Variants in ADGRF5 observed in about 807,000 individuals in gnomAD.
ADGRF5 encodes G-protein coupled receptor 116.
In ADGRF5, 75 loss-of-function variants were observed where a neutral mutation model predicts 132.3. The observed-to-expected ratio is 0.57, with a 90% CI of 0.47 to 0.69. The LOEUF is 0.69. ADGRF5 is among the 30% of genes least tolerant of loss of function. The pLI is 0.00. For synonymous variants in ADGRF5, 629 were observed against 597.6 expected (o/e 1.05, Z -0.77); for missense variants, 1,516 against 1,630.6 (o/e 0.93, Z 1.21).
Position 46,883,606 on chromosome 6 carries a change from T to C in ADGRF5, c.565A>G (p.Thr189Ala). Reference protein sequence around the residue: ...NVGFQEDLMNTSSALYRSYKT... With the variant: ...NVGFQEDLMNASSALYRSYKT... ...TAGGACCTATAGAGGGCGGAGGAAG[T>C]GTTCATGAGGTCTTCTTGAAAGCCT... is the stretch of plus-strand genomic sequence containing the variant. The change falls in exon 6 of 21, where the codon ACT (threonine) becomes GCT (alanine). Residue 189 changes from threonine to alanine, a missense_variant. Thr to Ala is a moderately conservative substitution (Grantham distance 58). Coordinates refer to ENST00000283296, the MANE Select transcript of ADGRF5 (RefSeq NM_001098518.2). 6.2e-7 allele frequency: 1 copy of C among 1,608,988 alleles called. No individual in the cohort carries two copies. The highest frequency in any genetic ancestry group is 8.5e-7 in the Non-Finnish European group (1 of 1,178,434).
At position 46,866,907 on chromosome 6, in the gene ADGRF5, C is replaced by T; in HGVS notation, c.1834+18G>A. 6.8e-7 allele frequency: 1 copy of T among 1,471,646 alleles called. No homozygotes were observed. 91.2% of individuals were successfully genotyped at this position (1,471,646 alleles called of 1,614,324 possible). Reference sequence around the variant, plus strand: ...TGTGAAATAATATACCCTAACAATTCAGCAATCAGCATCTTACCAGCAGGA... The same window carrying T: ...TGTGAAATAATATACCCTAACAATTTAGCAATCAGCATCTTACCAGCAGGA... On this transcript the variant is annotated intron_variant, in intron 13 of 20. Transcript: ENST00000283296.
In ADGRF5 at chr6:46,933,676, C is replaced by A. The variant is rs149555702; in HGVS notation, c.-25+21058G>T. Among the ~76,000 whole-genome samples, 21 of 152,304 alleles carry A rather than the reference C, an allele frequency of 1.4e-4. No homozygotes were observed. The East Asian group carries it at 4.1e-3, about 29-fold the overall frequency. On this transcript the variant is annotated intron_variant, in intron 1 of 20. Transcript: ENST00000265417. ...GCTACTGCAATTCAAAATGGTCTAG[C>A]ATTGTACAGATTGTCGTCGGGCCTC... is the stretch of plus-strand genomic sequence containing the variant.
At chr6:46,903,500 G>A (rs1173962178) in intron 2 of ADGRF5, 1 of 152,110 alleles carries the variant, frequency 6.6e-6, no homozygotes, top group Non-Finnish European at 1.5e-5. Context: ...AGTGGGGGTG[G>A]GTAGTCAGTC....
At position 46,932,607 on chromosome 6, in the gene ADGRF5, G is replaced by A. The variant is rs184196143; in HGVS notation, c.-25+22127C>T. The stretch of plus-strand genomic sequence containing the variant: ...CATAGTGAAAGTAATTTCTGAGGAA[G>A]AGCTAGAAATTCCCAGTACAAAACA... On this transcript the variant is annotated intron_variant, in intron 1 of 20. Transcript: ENST00000265417. Among the ~76,000 whole-genome samples, 457 of 152,288 alleles carry A rather than the reference G, an allele frequency of 3.0e-3. 1 individual carries two copies. Among genetic ancestry groups the A allele is most frequent in the Non-Finnish European group, 5.7e-3 (391 of 68,020 alleles).
At chr6:46,879,113 T>A (rs1772156570) in intron 9 of ADGRF5, among the ~76,000 whole-genome samples, 2 of 152,022 alleles carry the variant, frequency 1.3e-5, no homozygotes, top group East Asian at 3.9e-4. Context: ...TATATATCAA[T>A]TCCTTCCTCA....
intron 1 of ADGRF5, among the ~76,000 whole-genome samples, chr6:46,945,535 G>A (rs1778271845): frequency 6.6e-6 from 1 of 152,228 alleles, no homozygotes; most frequent in African/African-American, 2.4e-5. Flanking sequence ...TAGGAAAGAA[G>A]TGCATGTGAA....
chr6:46,876,693 T>G (rs1225971926), intron 10 of ADGRF5, among the ~76,000 whole-genome samples: 1 of 152,174 alleles, frequency 6.6e-6, no homozygotes, highest in African/African-American at 2.4e-5. Flanking sequence ...AACCTCGGCC[T>G]CTCGGGTTCA....
intron 1 of ADGRF5, among the ~76,000 whole-genome samples, chr6:46,936,119 C>T (rs1777811243): frequency 6.6e-6 from 1 of 152,192 alleles, no homozygotes. Flanking sequence ...TCGGGTCCTG[C>T]TCAATCTTCA....
At chr6:46,951,660 C>T (rs1008427125) in intron 1 of ADGRF5, among the ~76,000 whole-genome samples, 1 of 152,174 alleles carries the variant, frequency 6.6e-6, no homozygotes, top group Non-Finnish European at 1.5e-5. Context: ...GAGCTACTTC[C>T]TCCTCTTTTC....
chr6:46,857,923 T>C (rs1769245362), intron 17 of ADGRF5, among the ~76,000 whole-genome samples: 1 of 152,230 alleles, frequency 6.6e-6, no homozygotes, highest in African/African-American at 2.4e-5. Flanking sequence ...TAAATTATAA[T>C]GTAGGTGATA....
At chr6:46,868,763 A>G in intron 12 of ADGRF5, 120 bp downstream of exon 12, 1 of 660,644 alleles carries the variant, frequency 1.5e-6, no homozygotes, top group Non-Finnish European at 2.7e-6. Context: ...GTGAAGACAT[A>G]TTGAATTTAA....
intron 1 of ADGRF5, among the ~76,000 whole-genome samples, chr6:46,949,895 G>T (rs548528509): frequency 6.6e-6 from 1 of 152,106 alleles, no homozygotes; most frequent in African/African-American, 2.4e-5. Flanking sequence ...CATTGTTCTC[G>T]TTTCTTTTTT....
intron 1 of ADGRF5, among the ~76,000 whole-genome samples, chr6:46,931,451 C>A (rs751590777): frequency 6.6e-6 from 1 of 152,236 alleles, no homozygotes; most frequent in South Asian, 2.1e-4. Flanking sequence ...TTGCCATAAC[C>A]AATGGTCAAT....
intron 3 of ADGRF5, among the ~76,000 whole-genome samples, chr6:46,892,453 TAAA>T (rs754448036): frequency 6.6e-6 from 1 of 152,270 alleles, no homozygotes; most frequent in East Asian, 1.9e-4. Flanking sequence ...ATAAATGTCT[TAAA>T]AATTCACATT....
chr6:46,860,837 A>T lies in ADGRF5; in HGVS notation c.2257T>A (p.Ser753Thr). 6.2e-7 allele frequency: 1 copy of T among 1,613,954 alleles called. No homozygotes were observed. The highest frequency in any genetic ancestry group is 8.5e-7 in the Non-Finnish European group (1 of 1,179,832). ...TGTTCCGCTTTGTCTATGCTAATAGAAAGATCCTTCAGGTATGTAGGGAGC... is the reference window on the plus strand; with the variant it reads ...TGTTCCGCTTTGTCTATGCTAATAGTAAGATCCTTCAGGTATGTAGGGAGC... ...EMLPTYLKDL[S>T]ISIDKAEHEI... The change falls in exon 16 of 21, where the codon TCT (serine) becomes ACT (threonine). Residue 753 changes from serine to threonine, a missense_variant. Transcript: ENST00000283296.
chr6:46,888,271 A>T, intron 4 of ADGRF5, 64 bp downstream of exon 4: 1 of 1,155,678 alleles, frequency 8.7e-7, no homozygotes, highest in African/African-American at 1.5e-5. Flanking sequence ...GATACTCAGG[A>T]GCTCAGACAG....
chr6:46,875,669 C>T (rs574469089), intron 10 of ADGRF5, among the ~76,000 whole-genome samples: 5 of 152,142 alleles, frequency 3.3e-5, no homozygotes, highest in Admixed American at 1.3e-4. Context: ...CCCAGCTACT[C>T]GGGAGGCTGA....
At chr6:46,862,655 G>T (rs1769899375) in intron 15 of ADGRF5, among the ~76,000 whole-genome samples, 1 of 139,802 alleles carries the variant, frequency 7.2e-6, no homozygotes, top group Admixed American at 8.0e-5. Flanking sequence ...TATCTAGTCG[G>T]TCTGAGAGCA....
intron 1 of ADGRF5, among the ~76,000 whole-genome samples, chr6:46,946,153 CG>C (rs1561842160): frequency 6.6e-6 from 1 of 152,102 alleles, no homozygotes; most frequent in Non-Finnish European, 1.5e-5. Context: ...TGGCTGGCCC[CG>C]GTTATAGCCA....
Sources: allele counts gnomAD v4.1 joint callset (sites outside exome capture counted in the v4.1 genomes callset), GRCh38; gene constraint gnomAD v4.1.1; transcripts MANE v1.5; gene names NCBI Gene and HGNC (gene_info 2026-07-23, HGNC 2026-07-21).